Variants in PPP1R12B observed in about 807,000 individuals in gnomAD.
PPP1R12B encodes myosin phosphatase target subunit 2.
Under a neutral mutation model 126.1 loss-of-function variants are expected in PPP1R12B, and 76 were observed. The observed-to-expected ratio is 0.60, with a 90% CI of 0.50 to 0.73. The LOEUF is 0.73. Among genes scored for constraint, PPP1R12B ranks in the 30% least tolerant of loss-of-function variants. The probability of loss-of-function intolerance (pLI) is 0.00; values close to 1 mark genes in which losing one functional copy is unlikely to be tolerated. For missense variants in PPP1R12B, 1,052 were observed against 1,205.1 expected (o/e 0.87, Z 1.88); for synonymous variants, 356 against 434.7 (o/e 0.82, Z 2.25).
chr1:202,562,606 C>G (rs773926784), intron 19 of PPP1R12B, 172 bp from the exon 20 acceptor site: 1 of 819,312 alleles, frequency 1.2e-6, no homozygotes, highest in Non-Finnish European at 2.2e-6. Flanking sequence ...CAGTTTAGCC[C>G]TGAGGTCTGG....
rs142362566 is a variant in PPP1R12B, at chr1:202,417,732, A to G, written c.422+815A>G. ...ATCATGATATTCTATGCTCCTTTGA[A>G]AATCAGATTGCTTGTGTGAAGGCCC... is the stretch of plus-strand genomic sequence containing the variant. On this transcript the variant is annotated intron_variant, in intron 2 of 23. Transcript: ENST00000608999. 6.0e-4 allele frequency among the ~76,000 whole-genome samples: 92 copies of G among 152,318 alleles called. No homozygotes were observed. The South Asian group carries it at 0.011, about 18-fold the overall frequency.
intron 13 of PPP1R12B, among the ~76,000 whole-genome samples, chr1:202,467,255 G>A (rs1395119763): frequency 6.6e-6 from 1 of 150,898 alleles, no homozygotes; most frequent in Non-Finnish European, 1.5e-5. Context: ...TTAAGTTTTA[G>A]GGTACATGTG....
intron 13 of PPP1R12B, among the ~76,000 whole-genome samples, chr1:202,472,550 A>G (rs569257447): frequency 1.1e-4 from 17 of 152,350 alleles, no homozygotes; most frequent in African/African-American, 3.1e-4. Context: ...AGAGTGACCT[A>G]TGTAAGTAAA....
chr1:202,575,012 A>G, intron 23 of PPP1R12B: 1 of 1,611,148 alleles, frequency 6.2e-7, no homozygotes, highest in Non-Finnish European at 8.5e-7. Context: ...AACCTCCACC[A>G]GCTAAAACAG....
In PPP1R12B at chr1:202,564,555, GGAA is replaced by G. The variant is rs1687872885; in HGVS notation, c.2757+18_2757+20del. The G allele has an allele frequency of 1.3e-6, 2 of 1,591,040 alleles. No individual in the cohort carries two copies. Among genetic ancestry groups the G allele is most frequent in the Non-Finnish European group, 8.6e-7 (1 of 1,162,264 alleles). On this transcript the variant is annotated intron_variant, in intron 21 of 23. Coordinates refer to ENST00000608999, the MANE Select transcript of PPP1R12B (RefSeq NM_002481.4). ...CTTGAGAAGGTGGCCCAGGTAAGAC[GGAA>G]GAAGAAGAAAAAAGATGAGAACCAA...
At chr1:202,357,983 CAG>C (rs924472971) in intron 1 of PPP1R12B, among the ~76,000 whole-genome samples, 3 of 152,098 alleles carry the variant, frequency 2.0e-5, no homozygotes, top group African/African-American at 7.2e-5. Flanking sequence ...TGAGGAGTGT[CAG>C]GGGAGTACTA....
chr1:202,451,622 TC>T (rs1672939921), intron 13 of PPP1R12B, among the ~76,000 whole-genome samples: 1 of 151,916 alleles, frequency 6.6e-6, no homozygotes. Context: ...TCCCCACCTT[TC>T]CCCCTTTTCT....
In PPP1R12B at chr1:202,508,648, A is replaced by T. The variant is rs1681087601; in HGVS notation, c.2490+11826A>T. On this transcript the variant is annotated intron_variant, in intron 18 of 23. Transcript: ENST00000608999. The surrounding 1 kb of genome is among the most constrained non-coding windows in gnomAD (Gnocchi z 4.5). ...GAGTTGGAGGACTTTCAAAAGTGATATGCCAAATGGGCGAAACATGGGGCT... is the reference window on the plus strand; with the variant it reads ...GAGTTGGAGGACTTTCAAAAGTGATTTGCCAAATGGGCGAAACATGGGGCT... Among the ~76,000 whole-genome samples the T allele has an allele frequency of 6.6e-6, 1 of 151,620 alleles. No homozygotes were observed. Among genetic ancestry groups the T allele is most frequent in the South Asian group, 2.1e-4 (1 of 4,834 alleles).
chr1:202,382,132 A>G lies in PPP1R12B; in HGVS notation c.291+32990A>G, dbSNP rs190103233. 1.2e-3 allele frequency among the ~76,000 whole-genome samples: 179 copies of G among 152,248 alleles called. 1 individual carries two copies. The highest frequency in any genetic ancestry group is 1.4e-3 in the Admixed American group (22 of 15,288). ...GTTCATGTCCTTTGTAGGGACATGGATGAAGCTGGAAACCATCATTCTGAG... is the reference window on the plus strand; with the variant it reads ...GTTCATGTCCTTTGTAGGGACATGGGTGAAGCTGGAAACCATCATTCTGAG... On this transcript the variant is annotated intron_variant, in intron 1 of 23. Coordinates refer to ENST00000608999, the MANE Select transcript of PPP1R12B (RefSeq NM_002481.4).
At chr1:202,437,696 ATT>A in intron 9 of PPP1R12B, 123 bp from the exon 10 acceptor site, 2 of 822,672 alleles carry the variant, frequency 2.4e-6, no homozygotes, top group South Asian at 3.7e-5. Context: ...ACTGCCATGT[ATT>A]TGTTCTTCTT....
chr1:202,378,500 GAC>G (rs1661652621), intron 1 of PPP1R12B, among the ~76,000 whole-genome samples: 1 of 151,888 alleles, frequency 6.6e-6, no homozygotes, highest in Non-Finnish European at 1.5e-5. Context: ...GTTGTTTTGG[GAC>G]AGAGTCTTGC....
At chr1:202,557,801 G>A (rs1558371378) in intron 18 of PPP1R12B, among the ~76,000 whole-genome samples, 1 of 152,192 alleles carries the variant, frequency 6.6e-6, no homozygotes, top group Non-Finnish European at 1.5e-5. Context: ...ATGAGGAAAT[G>A]TCATCGTTTA....
At chr1:202,473,582 TTCTC>T (rs1197078594) in intron 13 of PPP1R12B, among the ~76,000 whole-genome samples, 4 of 152,252 alleles carry the variant, frequency 2.6e-5, no homozygotes, top group Admixed American at 1.3e-4. Flanking sequence ...GAGGAAGAAT[TTCTC>T]TCTTTCACCT....
intron 9 of PPP1R12B, 145 bp downstream of exon 9, chr1:202,434,913 G>A (rs1670606984): frequency 3.6e-6 from 5 of 1,379,434 alleles, no homozygotes; most frequent in Non-Finnish European, 4.8e-6. Context: ...AAAAACACAG[G>A]CTGGGTGGCT....
intron 18 of PPP1R12B, among the ~76,000 whole-genome samples, chr1:202,545,203 C>A (rs1054995393): frequency 6.6e-6 from 1 of 152,160 alleles, no homozygotes; most frequent in South Asian, 2.1e-4. Context: ...GGAGTGTATT[C>A]GTTTTGGGGG....
chr1:202,460,942 T>TTTTCAGAATATGTCTC (rs1432203709), intron 13 of PPP1R12B, among the ~76,000 whole-genome samples: 1 of 152,220 alleles, frequency 6.6e-6, no homozygotes, highest in Non-Finnish European at 1.5e-5. Context: ...ATGTAATTTT[T>TTTTCAGAATATGTCTC]TTTCAGAATA....
chr1:202,501,725 T>C (rs1268163499), intron 18 of PPP1R12B: 1 of 294,842 alleles, frequency 3.4e-6, no homozygotes, highest in Non-Finnish European at 5.0e-6. Context: ...TATTTGGGCA[T>C]GACATCTCTG....
At chr1:202,495,762 C>T in intron 17 of PPP1R12B, 80 bp downstream of exon 17, 1 of 1,244,518 alleles carries the variant, frequency 8.0e-7, no homozygotes, top group South Asian at 1.3e-5. Context: ...AAGAAAGAGT[C>T]CCGCATGGTG....
chr1:202,506,362 C>A (rs111235109), intron 18 of PPP1R12B, among the ~76,000 whole-genome samples: 7 of 152,308 alleles, frequency 4.6e-5, no homozygotes, highest in African/African-American at 1.7e-4. Context: ...TTGGCATCTT[C>A]CTTTTATGGA....
Sources: allele counts gnomAD v4.1 joint callset (sites outside exome capture counted in the v4.1 genomes callset), GRCh38; gene constraint gnomAD v4.1.1; non-coding constraint Gnocchi (gnomAD v3.1); transcripts MANE v1.5; gene names NCBI Gene and HGNC (gene_info 2026-07-23, HGNC 2026-07-21).